The following SH2D4B variants were observed in gnomAD, a reference collection of about 807,000 sequenced individuals.
SH2D4B encodes the protein SH2 domain containing 4B, also known as SH2 domain-containing protein 4B.
In SH2D4B, 45 loss-of-function variants were observed where a neutral mutation model predicts 61.5. The observed-to-expected ratio is 0.73, with a 90% CI of 0.58 to 0.94. SH2D4B has a LOEUF of 0.94. SH2D4B is among the 40% of genes least tolerant of loss of function. The pLI is 0.00. For synonymous variants in SH2D4B, 224 were observed against 220.4 expected, an observed-to-expected ratio of 1.02 and a Z score of -0.14; for missense variants, 572 against 574.2, an observed-to-expected ratio of 1.00 and a Z score of 0.04.
At chr10:80,577,458 G>T (rs11186135) in intron 3 of SH2D4B, among the ~76,000 whole-genome samples, 1 of 147,942 alleles carries the variant, frequency 6.8e-6, no homozygotes, top group Admixed American at 6.7e-5. Context: ...ACGGAGTCTC[G>T]CTCTGTCGCC....
intron 1 of SH2D4B, among the ~76,000 whole-genome samples, chr10:80,566,090 C>CAAA (rs60774703): frequency 0.014 from 322 of 23,806 alleles, 73 homozygotes; most frequent in East Asian, 0.047. Flanking sequence ...GACTCCGGCT[C>CAAA]AAAAAAAAAA....
intron 1 of SH2D4B, among the ~76,000 whole-genome samples, chr10:80,550,463 A>G (rs375444826): frequency 6.6e-6 from 1 of 152,122 alleles, no homozygotes; most frequent in African/African-American, 2.4e-5. Flanking sequence ...GCATGGTGGC[A>G]GGCGCCTATA....
chr10:80,549,735 T>C (rs1841732837), intron 1 of SH2D4B, among the ~76,000 whole-genome samples: 1 of 152,194 alleles, frequency 6.6e-6, no homozygotes, highest in South Asian at 2.1e-4. Flanking sequence ...GCAGCTCCAC[T>C]TGCAAAGGCC....
intron 3 of SH2D4B, among the ~76,000 whole-genome samples, chr10:80,579,482 A>G (rs1842165067): frequency 6.6e-6 from 1 of 152,044 alleles, no homozygotes; most frequent in Non-Finnish European, 1.5e-5. Context: ...GCTTCTGGAC[A>G]TTTCTCCTTC....
At chr10:80,627,721 G>C (rs914856778) in intron 6 of SH2D4B, among the ~76,000 whole-genome samples, 9 of 147,832 alleles carry the variant, frequency 6.1e-5, no homozygotes, top group African/African-American at 2.0e-4. Flanking sequence ...ATTCACTGCT[G>C]ACTCCCAGGT....
At position 80,571,401 on chromosome 10, in the gene SH2D4B, A is replaced by G. The variant is rs367586172; in HGVS notation, c.348-30A>G. ...TAGGTGGTCCTTCAGTTTTTCACAC[A>G]AGCTTATACCTGTGGTGCTCTCTTG... On this transcript the variant is annotated intron_variant, in intron 2 of 7. Coordinates refer to ENST00000646907, the MANE Select transcript of SH2D4B (RefSeq NM_001388272.1). 6.9e-6 allele frequency: 11 copies of G among 1,583,902 alleles called. No individual in the cohort carries two copies. The African/African-American group carries it at 1.4e-4, about 20-fold the overall frequency.
chr10:80,572,740 C>T (rs1293018174), intron 3 of SH2D4B, among the ~76,000 whole-genome samples: 1 of 151,178 alleles, frequency 6.6e-6, no homozygotes, highest in Non-Finnish European at 1.5e-5. Flanking sequence ...CTGCCTCAGC[C>T]TCCCGAGTAA....
intron 7 of SH2D4B, among the ~76,000 whole-genome samples, chr10:80,635,640 T>A (rs1029555857): frequency 6.6e-6 from 1 of 152,070 alleles, no homozygotes; most frequent in Non-Finnish European, 1.5e-5. Context: ...TTCTACGTGT[T>A]GGAAAGAGCC....
intron 1 of SH2D4B, among the ~76,000 whole-genome samples, chr10:80,569,392 C>G (rs983945950): frequency 1.3e-5 from 2 of 152,098 alleles, no homozygotes; most frequent in African/African-American, 4.8e-5. Flanking sequence ...CACAACACAA[C>G]AGCCAATAAG....
At chr10:80,636,120 C>T (rs958076285) in intron 7 of SH2D4B, among the ~76,000 whole-genome samples, 1 of 152,204 alleles carries the variant, frequency 6.6e-6, no homozygotes, top group Admixed American at 6.5e-5. Context: ...CTGCAAAGGA[C>T]AGGAACTCAT....
chr10:80,598,375 C>G (rs1254784285), intron 4 of SH2D4B, among the ~76,000 whole-genome samples: 1 of 152,152 alleles, frequency 6.6e-6, no homozygotes. Flanking sequence ...CCAGGAGCTG[C>G]TTGATTGCTC....
In SH2D4B at chr10:80,538,561, G is replaced by T. The variant is rs372613288; in HGVS notation, c.184+46G>T. 4 of 1,315,786 alleles carry T rather than the reference G, an allele frequency of 3.0e-6. No homozygotes were observed. The South Asian group carries it at 9.2e-5, about 30-fold the overall frequency. 81.5% of individuals were successfully genotyped at this position (1,315,786 alleles called of 1,614,324 possible). On this transcript the variant is annotated intron_variant, in intron 1 of 7. Coordinates refer to ENST00000646907, the MANE Select transcript of SH2D4B (RefSeq NM_001388272.1). The surrounding 1 kb of genome is among the most constrained non-coding windows in gnomAD (Gnocchi z 4.8). ...GAGAGGTAGGCCACCAGTCCCCCAG[G>T]AGGTAGAAAAATTAGCAGGGCCAGG...
intron 3 of SH2D4B, among the ~76,000 whole-genome samples, chr10:80,578,072 G>A (rs565853277): frequency 6.6e-6 from 1 of 151,902 alleles, no homozygotes; most frequent in Non-Finnish European, 1.5e-5. Flanking sequence ...TTGGACTCTA[G>A]CCATCGTCCC....
chr10:80,605,810 C>T (rs1842512017), intron 5 of SH2D4B, among the ~76,000 whole-genome samples: 1 of 152,232 alleles, frequency 6.6e-6, no homozygotes, highest in Admixed American at 6.5e-5. Flanking sequence ...TGAGCCACCA[C>T]ACCCGACCTC....
intron 3 of SH2D4B, among the ~76,000 whole-genome samples, chr10:80,572,712 C>T (rs979662749): frequency 3.3e-5 from 5 of 151,362 alleles, no homozygotes; most frequent in African/African-American, 7.3e-5. Flanking sequence ...CTCTGCCTCC[C>T]GGGTTGAAGG....
chr10:80,639,589 G>C (rs1268922264), intron 7 of SH2D4B, among the ~76,000 whole-genome samples: 3 of 152,144 alleles, frequency 2.0e-5, no homozygotes, highest in African/African-American at 7.2e-5. Context: ...TTTTATCAGA[G>C]ACTAGGATTG....
chr10:80,562,009 G>C (rs1841906439), intron 1 of SH2D4B, among the ~76,000 whole-genome samples: 1 of 148,086 alleles, frequency 6.8e-6, no homozygotes, highest in Admixed American at 6.8e-5. Context: ...TGTAAAGCAA[G>C]GCCACTCACT....
In SH2D4B at chr10:80,569,298, C is replaced by T. The variant is rs141974452; in HGVS notation, c.185-856C>T. Among the ~76,000 whole-genome samples, 576 of 152,128 alleles carry T rather than the reference C, an allele frequency of 3.8e-3. 5 individuals are homozygous for T. The highest frequency in any genetic ancestry group is 0.013 in the African/African-American group (557 of 41,498). Reference sequence around the variant, plus strand: ...CCACCATCTCCTAACTGCCTTGGCCCGGGAGTGACACAAGTTTCTTCCTTC... The same window carrying T: ...CCACCATCTCCTAACTGCCTTGGCCTGGGAGTGACACAAGTTTCTTCCTTC... On this transcript the variant is annotated intron_variant, in intron 1 of 7. Transcript: ENST00000646907.
chr10:80,576,712 G>A (rs555598261), intron 3 of SH2D4B, among the ~76,000 whole-genome samples: 80 of 152,248 alleles, frequency 5.3e-4, no homozygotes, highest in African/African-American at 1.8e-3. Context: ...TTTTGGCTGC[G>A]CCAGCCTTAT....
Sources: allele counts gnomAD v4.1 joint callset (sites outside exome capture counted in the v4.1 genomes callset), GRCh38; gene constraint gnomAD v4.1.1; non-coding constraint Gnocchi (gnomAD v3.1); transcripts MANE v1.5; gene names NCBI Gene and HGNC (gene_info 2026-07-23, HGNC 2026-07-21).